Variants in DAD1 observed in about 807,000 individuals in gnomAD.
The protein encoded by DAD1 is dolichyl-diphosphooligosaccharide--protein glycosyltransferase subunit DAD1.
A neutral mutation model predicts 9.0 loss-of-function variants in DAD1; 4 were observed. The observed-to-expected ratio is 0.44, with a 90% CI of 0.22 to 1.01. The LOEUF is 1.01. DAD1 is among the 50% of genes least tolerant of loss of function. DAD1 has a pLI of 0.24. For synonymous variants in DAD1, 60 were observed against 62.5 expected, an observed-to-expected ratio of 0.96 and a Z score of 0.19; for missense variants, 119 against 137.3, an observed-to-expected ratio of 0.87 and a Z score of 0.67.
intron 2 of DAD1, among the ~76,000 whole-genome samples, chr14:22,573,486 G>A (rs553772228): frequency 5.3e-5 from 8 of 151,958 alleles, no homozygotes; most frequent in Admixed American, 3.3e-4. Context: ...AGGCCAAGGC[G>A]GGCGGATCAC....
intron 1 of DAD1, among the ~76,000 whole-genome samples, chr14:22,577,260 C>G (rs543937380): frequency 6.6e-6 from 1 of 152,090 alleles, no homozygotes; most frequent in Non-Finnish European, 1.5e-5. Context: ...ATGGTGAAAC[C>G]CCGTCTCTAC....
intron 1 of DAD1, among the ~76,000 whole-genome samples, chr14:22,581,350 C>T (rs2037114091): frequency 6.6e-6 from 1 of 152,134 alleles, no homozygotes; most frequent in African/African-American, 2.4e-5. Flanking sequence ...TAAGAGCTTG[C>T]TATTTAAGAC....
chr14:22,574,337 G>A (rs1183531309), intron 2 of DAD1, among the ~76,000 whole-genome samples: 1 of 152,084 alleles, frequency 6.6e-6, no homozygotes, highest in Non-Finnish European at 1.5e-5. Flanking sequence ...GCTTGGGAGG[G>A]AGCGATTTAG....
At chr14:22,565,622 C>A (rs1473106852) in intron 2 of DAD1, among the ~76,000 whole-genome samples, 1 of 152,072 alleles carries the variant, frequency 6.6e-6, no homozygotes, top group Admixed American at 6.6e-5. Context: ...TAACAAAGGA[C>A]CAAAATATAA....
intron 1 of DAD1, among the ~76,000 whole-genome samples, chr14:22,583,613 G>C (rs1312172700): frequency 6.6e-6 from 1 of 152,098 alleles, no homozygotes; most frequent in East Asian, 1.9e-4. Context: ...TGGTCAAACG[G>C]ATTTTTTTTA....
At chr14:22,574,333 GA>G (rs2037062689) in intron 2 of DAD1, among the ~76,000 whole-genome samples, 1 of 152,126 alleles carries the variant, frequency 6.6e-6, no homozygotes, top group Non-Finnish European at 1.5e-5. Flanking sequence ...CTCTGCTTGG[GA>G]GGGAGCGATT....
chr14:22,571,313 CAAA>C (rs71115558), intron 2 of DAD1, among the ~76,000 whole-genome samples: 1 of 115,372 alleles, frequency 8.7e-6, no homozygotes, highest in Non-Finnish European at 1.7e-5. Context: ...GACTCTGTCT[CAAA>C]AAAAAAAAAA....
At chr14:22,567,877 A>T (rs2037011667) in intron 2 of DAD1, among the ~76,000 whole-genome samples, 1 of 152,218 alleles carries the variant, frequency 6.6e-6, no homozygotes, top group Non-Finnish European at 1.5e-5. Flanking sequence ...AACATTTGAG[A>T]TAGCCGGCCT....
At chr14:22,574,018 T>C (rs1222343930) in intron 2 of DAD1, among the ~76,000 whole-genome samples, 1 of 152,228 alleles carries the variant, frequency 6.6e-6, no homozygotes, top group African/African-American at 2.4e-5. Flanking sequence ...AAGAGGTTGG[T>C]CCTAGGATAT....
intron 1 of DAD1, among the ~76,000 whole-genome samples, chr14:22,586,137 C>T (rs1372114502): frequency 6.7e-6 from 1 of 148,824 alleles, no homozygotes; most frequent in Non-Finnish European, 1.5e-5. Flanking sequence ...ACGCAGGAGG[C>T]GGAGCTTGCA....
chr14:22,567,849 T>C (rs563708950), intron 2 of DAD1, among the ~76,000 whole-genome samples: 12 of 152,292 alleles, frequency 7.9e-5, no homozygotes, highest in African/African-American at 2.9e-4. Flanking sequence ...CCATATTAAG[T>C]ATGGCCAACT....
chr14:22,572,756 A>C (rs3811189), intron 2 of DAD1, among the ~76,000 whole-genome samples: 1 of 151,984 alleles, frequency 6.6e-6, no homozygotes, highest in Non-Finnish European at 1.5e-5. Context: ...AACATCCTTG[A>C]AATGTTTGCT....
At chr14:22,572,465 A>T (rs1361192613) in intron 2 of DAD1, among the ~76,000 whole-genome samples, 4 of 152,174 alleles carry the variant, frequency 2.6e-5, no homozygotes, top group Non-Finnish European at 4.4e-5. Flanking sequence ...AATCCCCCAG[A>T]GAGAAAGATT....
At chr14:22,568,635 G>GT (rs747085902) in intron 2 of DAD1, among the ~76,000 whole-genome samples, 9 of 151,810 alleles carry the variant, frequency 5.9e-5, no homozygotes, top group Non-Finnish European at 5.9e-5. Flanking sequence ...AGGCTCAGAG[G>GT]TAAGTTTATT....
chr14:22,565,055 G>C lies in DAD1; in HGVS notation c.*127C>G. The C allele has an allele frequency of 1.4e-6, 1 of 699,138 alleles. No individual in the cohort carries two copies. Among genetic ancestry groups the C allele is most frequent in the Admixed American group, 2.0e-5 (1 of 49,310 alleles). The allele number at this position is 699,138 out of a possible 1,614,324, so 43.3% of individuals were successfully genotyped here. On this transcript the variant is annotated 3_prime_UTR_variant, in exon 3 of 3. Coordinates refer to ENST00000250498, the MANE Select transcript of DAD1 (RefSeq NM_001344.4). ...TCCTGCATAAAAAGCAGAGCTAGCA[G>C]TAAGTGCAAATCTGAAGAAAATCCA...
intron 2 of DAD1, among the ~76,000 whole-genome samples, chr14:22,568,661 T>C (rs1436071978): frequency 6.6e-6 from 1 of 151,252 alleles, no homozygotes; most frequent in East Asian, 1.9e-4. Context: ...ATTCAACTAG[T>C]TAACAGAGCA....
intron 1 of DAD1, among the ~76,000 whole-genome samples, chr14:22,585,567 G>A (rs989873677): frequency 6.6e-6 from 1 of 152,150 alleles, no homozygotes; most frequent in Non-Finnish European, 1.5e-5. Context: ...ATTATACTCT[G>A]ATGATCCAAA....
At chr14:22,578,177 G>A (rs2037091114) in intron 1 of DAD1, among the ~76,000 whole-genome samples, 1 of 151,872 alleles carries the variant, frequency 6.6e-6, no homozygotes, top group Non-Finnish European at 1.5e-5. Context: ...AGGAGAATTG[G>A]TGGAGGTGGA....
chr14:22,588,501 C>G (rs1216921336), intron 1 of DAD1, among the ~76,000 whole-genome samples: 1 of 152,194 alleles, frequency 6.6e-6, no homozygotes, highest in Non-Finnish European at 1.5e-5. Flanking sequence ...GATGATTCAA[C>G]AAGAAAAGCA....
Sources: gnomAD v4.1 joint callset for allele counts (sites outside exome capture counted in the v4.1 genomes callset) on GRCh38, gnomAD v4.1.1 for gene constraint, MANE v1.5 for transcripts, NCBI Gene and HGNC (gene_info 2026-07-23, HGNC 2026-07-21) for gene names.